Variants in KCNMA1 observed in about 807,000 individuals in gnomAD.
KCNMA1 encodes the protein potassium calcium-activated channel subfamily M alpha 1, also known as Calcium-activated potassium channel subunit alpha-1.
A neutral mutation model predicts 140.0 loss-of-function variants in KCNMA1; 29 were observed. The observed-to-expected ratio is 0.21, with a 90% confidence interval of 0.15 to 0.28. The LOEUF (loss-of-function observed/expected upper bound fraction) is 0.28, where lower values mean the gene tolerates loss of function less well. Among genes scored for constraint, KCNMA1 ranks in the 10% least tolerant of loss-of-function variants. The probability of loss-of-function intolerance (pLI) is 1.00; values close to 1 mark genes in which losing one functional copy is unlikely to be tolerated. For synonymous variants in KCNMA1, 612 were observed against 611.9 expected, an observed-to-expected ratio of 1.00 and a Z score of 0.00; for missense variants, 880 against 1,602.2, an observed-to-expected ratio of 0.55 and a Z score of 7.70.
intron 2 of KCNMA1, among the ~76,000 whole-genome samples, chr10:77,308,758 T>G (rs939503827): frequency 6.6e-6 from 1 of 152,190 alleles, no homozygotes; most frequent in Non-Finnish European, 1.5e-5. Flanking sequence ...GAGTCTACTC[T>G]GATGTCTGAG....
At chr10:76,934,042 G>A (rs992394577) in intron 23 of KCNMA1, among the ~76,000 whole-genome samples, 9 of 151,916 alleles carry the variant, frequency 5.9e-5, no homozygotes, top group East Asian at 1.9e-4. Context: ...GCGCAATCTC[G>A]GCTCACTGCA....
intron 1 of KCNMA1, among the ~76,000 whole-genome samples, chr10:77,459,633 G>A (rs568017212): frequency 3.0e-4 from 45 of 152,306 alleles, no homozygotes; most frequent in African/African-American, 1.0e-3. Context: ...ACACAGCTTT[G>A]AGACATCACT....
At chr10:77,513,719 C>T (rs896992147) in intron 1 of KCNMA1, among the ~76,000 whole-genome samples, 4 of 152,150 alleles carry the variant, frequency 2.6e-5, no homozygotes, top group South Asian at 2.1e-4. Flanking sequence ...GGCCACAGGG[C>T]GAGGGAAGCA....
At chr10:76,941,116 GAGGGAAGGGAAGGGA>G (rs1223512999) in intron 23 of KCNMA1, among the ~76,000 whole-genome samples, 28 of 88,642 alleles carry the variant, frequency 3.2e-4, no homozygotes, top group African/African-American at 1.2e-3. Context: ...GGGAGGGAGG[GAGGGAAGGGAAGGGA>G]AGGGAAGGGA....
chr10:77,084,525 C>G lies in KCNMA1; in HGVS notation c.1523+112G>C. 7 of 838,992 alleles carry G rather than the reference C, an allele frequency of 8.3e-6. No individual in the cohort carries two copies. The South Asian group carries it at 8.6e-5, about 10-fold the overall frequency. 52.0% of individuals were successfully genotyped at this position (838,992 alleles called of 1,614,324 possible). On this transcript the variant is annotated intron_variant, in intron 12 of 27. Coordinates refer to ENST00000286628, the MANE Select transcript of KCNMA1 (RefSeq NM_001161352.2). ...ATGCAGCTGGTGAGTTGTACAGTGG[C>G]TTGTGGGGCAAAAAGGCCTCATAGA...
intron 2 of KCNMA1, among the ~76,000 whole-genome samples, chr10:77,398,746 A>G (rs953524188): frequency 5.3e-5 from 8 of 152,222 alleles, no homozygotes; most frequent in African/African-American, 1.9e-4. Context: ...CTGCAAGCCT[A>G]GAATATTTAC....
chr10:77,459,607 T>G (rs997078419), intron 1 of KCNMA1, among the ~76,000 whole-genome samples: 24 of 152,180 alleles, frequency 1.6e-4, no homozygotes, highest in South Asian at 8.3e-4. Flanking sequence ...ATACCCACAT[T>G]ATTGTGGTAA....
chr10:77,324,544 TA>T (rs1211807466), intron 2 of KCNMA1, among the ~76,000 whole-genome samples: 2 of 149,538 alleles, frequency 1.3e-5, no homozygotes, highest in African/African-American at 2.4e-5. Context: ...CTATAGAGAA[TA>T]TTTTTTTAAA....
At chr10:77,350,580 G>A (rs1196883453) in intron 2 of KCNMA1, 3 of 152,230 alleles carry the variant, frequency 2.0e-5, no homozygotes, top group Admixed American at 2.0e-4. Context: ...TGTGGCCAAA[G>A]AAACCTTCAG....
intron 6 of KCNMA1, among the ~76,000 whole-genome samples, chr10:77,113,817 TA>T (rs2097383317): frequency 6.6e-6 from 1 of 152,228 alleles, no homozygotes; most frequent in South Asian, 2.1e-4. Context: ...TACAACATGA[TA>T]TTACCTACCA....
At chr10:77,580,995 C>G (rs2075705530) in intron 1 of KCNMA1, among the ~76,000 whole-genome samples, 1 of 152,228 alleles carries the variant, frequency 6.6e-6, no homozygotes, top group South Asian at 2.1e-4. Context: ...CCTGTGCCAT[C>G]ATACAGGTCC....
intron 14 of KCNMA1, among the ~76,000 whole-genome samples, chr10:77,072,305 T>C (rs1159412695): frequency 6.6e-6 from 1 of 152,232 alleles, no homozygotes; most frequent in African/African-American, 2.4e-5. Flanking sequence ...AGTCTAAGGA[T>C]GAGGACTGGA....
At chr10:77,415,868 C>T (rs1448446675) in intron 1 of KCNMA1, among the ~76,000 whole-genome samples, 1 of 152,230 alleles carries the variant, frequency 6.6e-6, no homozygotes, top group South Asian at 2.1e-4. Context: ...TGAAGGGCCT[C>T]TCCCAGGAAG....
At chr10:76,998,490 T>C (rs1241752140) in intron 19 of KCNMA1, among the ~76,000 whole-genome samples, 2 of 152,286 alleles carry the variant, frequency 1.3e-5, no homozygotes, top group East Asian at 3.9e-4. Flanking sequence ...AATACAGCCC[T>C]AGCATAAAAG....
intron 24 of KCNMA1, chr10:76,912,779 C>CT (rs1185896170): frequency 6.6e-6 from 1 of 152,160 alleles, no homozygotes; most frequent in Non-Finnish European, 1.5e-5. Context: ...TGAAATGCTG[C>CT]TGTAGGTTTG....
chr10:77,221,087 G>C (rs1049840806), intron 3 of KCNMA1, among the ~76,000 whole-genome samples: 1 of 152,202 alleles, frequency 6.6e-6, no homozygotes, highest in African/African-American at 2.4e-5. Flanking sequence ...TGGTGCGTTA[G>C]CCAAGTCCGT....
At position 77,102,697 on chromosome 10, in the gene KCNMA1, T is replaced by C. The variant is rs145344944; in HGVS notation, c.1223+5784A>G. On this transcript the variant is annotated intron_variant, in intron 9 of 27. Coordinates refer to ENST00000286628, the MANE Select transcript of KCNMA1 (RefSeq NM_001161352.2). ...GGTAATGCAAGCTGGGTCAAGGTCA[T>C]TGAACAAGCGTTAGTTAGCATCTCC... is the stretch of plus-strand genomic sequence containing the variant. Among the ~76,000 whole-genome samples, 568 of 152,298 alleles carry C rather than the reference T, an allele frequency of 3.7e-3. 5 individuals are homozygous for C. Among genetic ancestry groups the C allele is most frequent in the African/African-American group, 0.013 (543 of 41,564 alleles).
At chr10:77,525,624 AT>A (rs2055299969) in intron 1 of KCNMA1, among the ~76,000 whole-genome samples, 1 of 152,140 alleles carries the variant, frequency 6.6e-6, no homozygotes. Context: ...ACTCCTCCTC[AT>A]TCCTGGAGCT....
intron 1 of KCNMA1, chr10:77,493,699 AG>A (rs1465959480): frequency 6.6e-6 from 1 of 152,284 alleles, no homozygotes; most frequent in Non-Finnish European, 1.5e-5. Context: ...GTGCAGCTGC[AG>A]GGAAGAGAGC....
Sources: allele counts gnomAD v4.1 joint callset (sites outside exome capture counted in the v4.1 genomes callset), GRCh38; gene constraint gnomAD v4.1.1; transcripts MANE v1.5; gene names NCBI Gene and HGNC (gene_info 2026-07-23, HGNC 2026-07-21).